The following SPRY3 variants were observed in gnomAD, a reference collection of about 807,000 sequenced individuals.
SPRY3 encodes the protein protein sprouty homolog 3.
In SPRY3, 15 loss-of-function variants were observed where a neutral mutation model predicts 20.2. The observed-to-expected ratio is 0.74, with a 90% CI of 0.50 to 1.14. The LOEUF (loss-of-function observed/expected upper bound fraction) is 1.14. SPRY3 is among the 50% of genes most tolerant of loss of function. The pLI, the probability that SPRY3 is intolerant of heterozygous loss-of-function variation, is 0.00. For missense variants in SPRY3, 364 were observed against 363.9 expected (o/e 1.00, Z 0.00); for synonymous variants, 143 against 136.5 (o/e 1.05, Z -0.33).
At chrX:155,774,679 T>A (rs1433177758) in exon 4 of SPRY3, 1 of 1,613,880 alleles carries the variant, frequency 6.2e-7, no homozygotes, top group Non-Finnish European at 8.5e-7. Context: ...CAACACTGTG[T>A]GCAGAAAGAT....
chrX:155,771,422 C>G (rs765938668), intron 3 of SPRY3, among the ~76,000 whole-genome samples: 2 of 152,224 alleles, frequency 1.3e-5, no homozygotes, highest in East Asian at 3.9e-4. Context: ...CCTTGTATAA[C>G]TTCCTTTAAA....
intron 1 of SPRY3, among the ~76,000 whole-genome samples, chrX:155,637,909 G>C (rs1557351165): frequency 9.1e-6 from 1 of 109,298 alleles, no homozygotes; most frequent in African/African-American, 3.3e-5. Flanking sequence ...CACACCAGCA[G>C]TGTAAAAGCA....
At chrX:155,773,470 C>T (rs1036075723) in intron 3 of SPRY3, among the ~76,000 whole-genome samples, 1 of 151,944 alleles carries the variant, frequency 6.6e-6, no homozygotes, top group Non-Finnish European at 1.5e-5. Context: ...TTGGATGTCT[C>T]TGCTAGCAAA....
intron 2 of SPRY3, among the ~76,000 whole-genome samples, chrX:155,715,672 C>T: frequency 6.6e-6 from 1 of 152,118 alleles, no homozygotes; most frequent in South Asian, 2.1e-4. Context: ...GTCCTCATGT[C>T]CTTTCAAGGA....
chrX:155,759,612 T>C (rs1260946465), intron 2 of SPRY3, among the ~76,000 whole-genome samples: 1 of 152,158 alleles, frequency 6.6e-6, no homozygotes, highest in Non-Finnish European at 1.5e-5. Flanking sequence ...CAGAGCCTGG[T>C]ACAAAGCTGT....
At chrX:155,774,846 G>A (rs1401348427) in exon 4 of SPRY3, 3 of 1,315,234 alleles carry the variant, frequency 2.3e-6, no homozygotes, top group African/African-American at 2.9e-5. Flanking sequence ...CAAAGTTAGG[G>A]CCTCTCTTTT....
At chrX:155,748,972 C>G (rs1289492144) in intron 2 of SPRY3, among the ~76,000 whole-genome samples, 3 of 151,522 alleles carry the variant, frequency 2.0e-5, no homozygotes, top group African/African-American at 7.3e-5. Context: ...CCAGACTCAA[C>G]CAACACAATA....
chrX:155,705,661 A>T (rs1049561773), intron 2 of SPRY3, among the ~76,000 whole-genome samples: 2 of 151,340 alleles, frequency 1.3e-5, no homozygotes, highest in African/African-American at 2.4e-5. Flanking sequence ...AAAGTAAAAG[A>T]GTGGAGAAAT....
At chrX:155,657,461 G>T (rs182952432) in intron 2 of SPRY3, among the ~76,000 whole-genome samples, 1 of 112,032 alleles carries the variant, frequency 8.9e-6, no homozygotes, top group Non-Finnish European at 1.9e-5. Context: ...GATGCCCCCC[G>T]CTACCAAGCT....
downstream of SPRY3, chrX:155,776,805 C>T (rs1369491941): frequency 1.2e-5 from 2 of 166,948 alleles, no homozygotes; most frequent in Admixed American, 1.3e-4. Flanking sequence ...GAAATATGTG[C>T]CACTCACTTT....
intron 2 of SPRY3, among the ~76,000 whole-genome samples, chrX:155,746,248 T>A (rs1308088697): frequency 6.6e-6 from 1 of 152,102 alleles, no homozygotes; most frequent in Non-Finnish European, 1.5e-5. Flanking sequence ...TACATTGATT[T>A]GTTTCTGAGA....
At chrX:155,703,982 A>G (rs916567830) in intron 2 of SPRY3, among the ~76,000 whole-genome samples, 1 of 151,886 alleles carries the variant, frequency 6.6e-6, no homozygotes, top group Non-Finnish European at 1.5e-5. Context: ...CTAACTACTA[A>G]CTGTAATAAT....
exon 2 of SPRY3, among the ~76,000 whole-genome samples, chrX:155,656,973 C>G (rs1314284972): frequency 3.6e-5 from 4 of 111,599 alleles, no homozygotes; most frequent in Non-Finnish European, 5.7e-5. Flanking sequence ...CCTCTGGAAG[C>G]TTTGTCCCAG....
At chrX:155,722,931 C>G (rs2091070110) in intron 2 of SPRY3, among the ~76,000 whole-genome samples, 1 of 150,624 alleles carries the variant, frequency 6.6e-6, no homozygotes, top group Admixed American at 6.6e-5. Context: ...ATCCTTCCCC[C>G]AGCCCCCCAC....
chrX:155,657,354 G>A (rs782751431), intron 2 of SPRY3, among the ~76,000 whole-genome samples: 6 of 111,967 alleles, frequency 5.4e-5, no homozygotes, highest in Admixed American at 1.9e-4. Context: ...GGCCACAGCC[G>A]CTTTGCCATG....
chrX:155,726,928 C>G (rs1328930604), intron 2 of SPRY3, among the ~76,000 whole-genome samples: 2 of 152,166 alleles, frequency 1.3e-5, no homozygotes, highest in Non-Finnish European at 2.9e-5. Flanking sequence ...ATGGTCTTTA[C>G]AATTTGGCAT....
In SPRY3 at chrX:155,773,805, G is replaced by C. The variant is rs1203517232; in HGVS notation, c.-67G>C. 2.6e-6 allele frequency: 4 copies of C among 1,538,310 alleles called. No homozygotes were observed. The South Asian group carries it at 3.8e-5, about 15-fold the overall frequency. On this transcript the variant is annotated 5_prime_UTR_variant, in exon 4 of 4. Coordinates refer to ENST00000675360, the Ensembl canonical transcript of SPRY3. ...CCCTGAAATCCATGTAACTACAAGG[G>C]CTCCTCTTTATCACCATAAGTGCCA...
At chrX:155,757,637 A>G (rs2091288519) in intron 2 of SPRY3, among the ~76,000 whole-genome samples, 1 of 152,152 alleles carries the variant, frequency 6.6e-6, no homozygotes, top group East Asian at 1.9e-4. Flanking sequence ...TGCATGATAC[A>G]TCCAAGGATC....
chrX:155,735,046 T>C (rs1390672210), intron 2 of SPRY3, among the ~76,000 whole-genome samples: 1 of 151,898 alleles, frequency 6.6e-6, no homozygotes, highest in African/African-American at 2.4e-5. Flanking sequence ...TGATAAATTA[T>C]ACTTTTATTT....
Sources: gnomAD v4.1 joint callset for allele counts (sites outside exome capture counted in the v4.1 genomes callset) on GRCh38, gnomAD v4.1.1 for gene constraint, MANE v1.5 for transcripts, NCBI Gene and HGNC (gene_info 2026-07-23, HGNC 2026-07-21) for gene names.